Variants in CNTLN observed in about 807,000 individuals in gnomAD.
The protein encoded by CNTLN is centlein, also known as centlein, centrosomal protein.
Under a neutral mutation model 180.0 loss-of-function variants are expected in CNTLN, and 212 were observed. That is an observed-to-expected ratio of 1.18 (90% CI 1.05 to 1.32). The LOEUF is 1.32. Ranked by LOEUF, CNTLN falls within the 40% of genes most tolerant of loss-of-function variation. CNTLN has a pLI of 0.00. For missense variants in CNTLN, 2,095 were observed against 1,610.9 expected (o/e 1.30, Z -5.14); for synonymous variants, 722 against 563.1 (o/e 1.28, Z -3.99).
At chr9:17,500,532 C>T (rs531418724) in intron 25 of CNTLN, among the ~76,000 whole-genome samples, 11 of 152,208 alleles carry the variant, frequency 7.2e-5, no homozygotes, top group Non-Finnish European at 1.3e-4. Flanking sequence ...CCACTATTTC[C>T]GCCTGATAAA....
intron 14 of CNTLN, among the ~76,000 whole-genome samples, chr9:17,391,664 A>G (rs556871495): frequency 1.3e-5 from 2 of 152,366 alleles, no homozygotes; most frequent in East Asian, 3.9e-4. Context: ...TGTTTATAAC[A>G]TAATTTAATT....
At chr9:17,504,390 A>C (rs1833893700), downstream of CNTLN, among the ~76,000 whole-genome samples, 6 of 152,216 alleles carry the variant, frequency 3.9e-5, no homozygotes. Context: ...TTTATTACAA[A>C]GATAAAAATG....
intron 5 of CNTLN, among the ~76,000 whole-genome samples, chr9:17,239,673 A>G (rs1010977274): frequency 6.6e-6 from 1 of 152,102 alleles, no homozygotes; most frequent in African/African-American, 2.4e-5. Flanking sequence ...GCCTAATGTC[A>G]TGCTTTTGTA....
At chr9:17,509,566 G>A in the CNTLN span, among the ~76,000 whole-genome samples, 7 of 152,110 alleles carry the variant, frequency 4.6e-5, no homozygotes, top group Non-Finnish European at 8.8e-5. Flanking sequence ...ATAGAATAGT[G>A]GAATGGCCTT....
intron 18 of CNTLN, among the ~76,000 whole-genome samples, chr9:17,419,154 A>G (rs1281779851): frequency 1.3e-5 from 2 of 152,080 alleles, no homozygotes; most frequent in African/African-American, 4.8e-5. Context: ...TGCCTACTCT[A>G]AAGATATGTG....
rs1156261988 is a variant in CNTLN at position 17,309,160 on chromosome 9, C to G, written c.1249C>G (p.Gln417Glu). ...NLQDQLLQKEQENAKLKEKLQ... is the reference protein window; with the variant it reads ...NLQDQLLQKEEENAKLKEKLQ... ...TCAGGATCAGCTATTACAAAAAGAGCAAGAAAATGCTAAGTTAAAAGAAAA... is the reference window on the plus strand; with the variant it reads ...TCAGGATCAGCTATTACAAAAAGAGGAAGAAAATGCTAAGTTAAAAGAAAA... The change falls in exon 8 of 26, where the codon CAA becomes GAA. Residue 417 changes from glutamine to glutamate, a missense_variant. By Grantham distance (29) the Gln-to-Glu change is conservative (BLOSUM62 2). Coordinates refer to ENST00000380647, the MANE Select transcript of CNTLN (RefSeq NM_017738.4). The G allele has an allele frequency of 6.2e-7, 1 of 1,609,966 alleles. No individual in the cohort carries two copies. Among genetic ancestry groups the G allele is most frequent in the Non-Finnish European group, 8.5e-7 (1 of 1,177,632 alleles).
chr9:17,259,337 G>C (rs1386300650), intron 5 of CNTLN, among the ~76,000 whole-genome samples: 2 of 134,622 alleles, frequency 1.5e-5, no homozygotes, highest in Admixed American at 7.3e-5. Flanking sequence ...ACTTGATCAT[G>C]GTGGATAAGC....
chr9:17,366,264 T>A (rs1221276524), intron 12 of CNTLN, among the ~76,000 whole-genome samples: 1 of 151,770 alleles, frequency 6.6e-6, no homozygotes, highest in East Asian at 2.0e-4. Context: ...TAGCTAGGAC[T>A]ACAGGTGCGC....
At chr9:17,419,394 A>C (rs370553787) in intron 18 of CNTLN, among the ~76,000 whole-genome samples, 6 of 152,176 alleles carry the variant, frequency 3.9e-5, no homozygotes, top group South Asian at 2.1e-4. Flanking sequence ...ATTTGTTCAA[A>C]GTATGTATCC....
chr9:17,311,230 G>T (rs535351413), intron 8 of CNTLN, among the ~76,000 whole-genome samples: 1 of 151,750 alleles, frequency 6.6e-6, no homozygotes, highest in Non-Finnish European at 1.5e-5. Context: ...TCACCATGTT[G>T]GTCAAGCTGG....
At chr9:17,322,799 C>G (rs543665153) in intron 8 of CNTLN, among the ~76,000 whole-genome samples, 1 of 152,124 alleles carries the variant, frequency 6.6e-6, no homozygotes, top group African/African-American at 2.4e-5. Context: ...CTAGGCTTTA[C>G]TTTCTAAAAA....
chr9:17,339,462 C>T (rs944377159), intron 10 of CNTLN, among the ~76,000 whole-genome samples: 2 of 152,160 alleles, frequency 1.3e-5, no homozygotes, highest in Non-Finnish European at 2.9e-5. Flanking sequence ...AAATTTAAAC[C>T]TCTTTTTTCT....
chr9:17,504,710 C>A (rs1259768704), downstream of CNTLN, among the ~76,000 whole-genome samples: 1 of 151,986 alleles, frequency 6.6e-6, no homozygotes, highest in African/African-American at 2.4e-5. Flanking sequence ...TTTGAAGATG[C>A]CACAGTACTG....
At chr9:17,527,493 G>A in the CNTLN span, among the ~76,000 whole-genome samples, 1 of 152,182 alleles carries the variant, frequency 6.6e-6, no homozygotes, top group Non-Finnish European at 1.5e-5. Context: ...ATTCTGCGAT[G>A]CATGTATACT....
At chr9:17,523,901 C>A in the CNTLN span, among the ~76,000 whole-genome samples, 14 of 152,192 alleles carry the variant, frequency 9.2e-5, no homozygotes, top group Middle Eastern at 3.2e-3. Context: ...ACAGGGTTGA[C>A]CCCTGTGGAT....
chr9:17,146,063 A>T (rs920339595), intron 2 of CNTLN, among the ~76,000 whole-genome samples: 4 of 152,190 alleles, frequency 2.6e-5, no homozygotes, highest in Non-Finnish European at 5.9e-5. Context: ...TGAAGCTTGT[A>T]GGATTTTCTC....
chr9:17,213,077 T>G (rs1034041331), intron 2 of CNTLN, among the ~76,000 whole-genome samples: 4 of 152,216 alleles, frequency 2.6e-5, no homozygotes, highest in African/African-American at 4.8e-5. Flanking sequence ...CTGATCTTAC[T>G]TATTTCTCGC....
chr9:17,297,875 G>A (rs1270506948), intron 6 of CNTLN, among the ~76,000 whole-genome samples: 1 of 152,112 alleles, frequency 6.6e-6, no homozygotes. Flanking sequence ...CTTACCACTT[G>A]TTAATTCTTG....
chr9:17,408,299 A>G lies in CNTLN; in HGVS notation c.2616-994A>G, dbSNP rs185477655. Among the ~76,000 whole-genome samples, 5 of 152,196 alleles carry G rather than the reference A, an allele frequency of 3.3e-5. No individual in the cohort carries two copies. The East Asian group carries it at 9.7e-4, about 29-fold the overall frequency. ...CCATGTGGGAAAGGGACTTACTTAA[A>G]TGTTCCACACAACCTCAACACTTCC... On this transcript the variant is annotated intron_variant, in intron 15 of 25. Transcript: ENST00000380647.
Sources: gnomAD v4.1 joint callset for allele counts (sites outside exome capture counted in the v4.1 genomes callset) on GRCh38, gnomAD v4.1.1 for gene constraint, MANE v1.5 for transcripts, NCBI Gene and HGNC (gene_info 2026-07-23, HGNC 2026-07-21) for gene names.